The following BCAS3 variants were observed in gnomAD, a reference collection of about 807,000 sequenced individuals.
The protein encoded by BCAS3 is BCAS4/BCAS3 fusion.
Under a neutral mutation model 116.1 loss-of-function variants are expected in BCAS3, and 53 were observed. The observed-to-expected ratio is 0.46, with a 90% CI of 0.37 to 0.57. The LOEUF is 0.57. BCAS3 is among the 20% of genes least tolerant of loss of function. The pLI, the probability that BCAS3 is intolerant of heterozygous loss-of-function variation, is 0.00. For synonymous variants in BCAS3, 391 were observed against 408.2 expected (o/e 0.96, Z 0.51); for missense variants, 917 against 1,165.4 (o/e 0.79, Z 3.10).
chr17:61,270,837 A>G (rs2050176164), intron 22 of BCAS3, among the ~76,000 whole-genome samples: 2 of 151,672 alleles, frequency 1.3e-5, no homozygotes. Context: ...CTGCCTCCCA[A>G]GTAGCTGGGA....
At chr17:61,221,094 G>A (rs113185398) in intron 22 of BCAS3, among the ~76,000 whole-genome samples, 53 of 152,272 alleles carry the variant, frequency 3.5e-4, no homozygotes, top group African/African-American at 1.2e-3. Context: ...GTGAGACTCC[G>A]TCTCAAAAAC....
rs187098889 is a variant in BCAS3, at chr17:61,186,931, C to T, written c.2425+102367C>T. Among the ~76,000 whole-genome samples, 332 of 152,212 alleles carry T rather than the reference C, an allele frequency of 2.2e-3. No homozygotes were observed. Among genetic ancestry groups the T allele is most frequent in the Admixed American group, 5.9e-3 (90 of 15,284 alleles). ...TTCACCGTGTTAGCCAGGATGGTCT[C>T]GATCTCCTGACCTCGTGATCCACCC... On this transcript the variant is annotated intron_variant, in intron 22 of 23. Coordinates refer to ENST00000407086, the MANE Select transcript of BCAS3 (RefSeq NM_017679.5). The surrounding 1 kb of genome is among the most constrained non-coding windows in gnomAD (Gnocchi z 4.9).
intron 20 of BCAS3, among the ~76,000 whole-genome samples, chr17:61,076,244 T>G (rs958339231): frequency 1.3e-5 from 2 of 152,242 alleles, no homozygotes; most frequent in African/African-American, 4.8e-5. Flanking sequence ...TATCTCAGGT[T>G]ACCAATCTGA....
chr17:61,138,919 G>A (rs1272905539), intron 22 of BCAS3, among the ~76,000 whole-genome samples: 1 of 151,940 alleles, frequency 6.6e-6, no homozygotes, highest in Non-Finnish European at 1.5e-5. Context: ...AAGTTGATAG[G>A]TTTTCATCAG....
At chr17:60,893,861 G>T (rs2145022157) in intron 10 of BCAS3, among the ~76,000 whole-genome samples, 1 of 151,980 alleles carries the variant, frequency 6.6e-6, no homozygotes, top group Admixed American at 6.5e-5. Flanking sequence ...CACCCACCTT[G>T]GCCTCCCAAA....
intron 22 of BCAS3, among the ~76,000 whole-genome samples, chr17:61,267,134 C>T (rs12949182): frequency 0.97 from 147,200 of 152,194 alleles, 71,380 homozygotes; most frequent in East Asian, 1. Flanking sequence ...CTCGGCTCAC[C>T]GCAAGCTCCG....
chr17:61,082,336 G>A lies in BCAS3; in HGVS notation c.2328-2131G>A, dbSNP rs142982333. On this transcript the variant is annotated intron_variant, in intron 21 of 23. Transcript: ENST00000407086. This position sits in a 1 kb window ranked among gnomAD's most constrained non-coding sequence, Gnocchi z 5.1. The stretch of plus-strand genomic sequence containing the variant: ...GCATCCATCCCACTAATTTCAGAAC[G>A]TTTCCATCATCCCAACCAGTTTTTC... Among the ~76,000 whole-genome samples the A allele has an allele frequency of 5.3e-4, 81 of 152,182 alleles. No individual in the cohort carries two copies. The East Asian group carries it at 0.015, about 28-fold the overall frequency.
chr17:61,269,209 G>C (rs2050024280), intron 22 of BCAS3, among the ~76,000 whole-genome samples: 1 of 150,956 alleles, frequency 6.6e-6, no homozygotes, highest in African/African-American at 2.4e-5. Context: ...CAGCCTCCTG[G>C]GTTCAAGCAA....
intron 15 of BCAS3, among the ~76,000 whole-genome samples, chr17:60,999,546 CAA>C (rs1021249439): frequency 3.8e-4 from 24 of 62,892 alleles, no homozygotes; most frequent in Non-Finnish European, 4.3e-4. Flanking sequence ...GACTGTGTCT[CAA>C]AAAAAAAAAA....
At chr17:60,976,034 T>TTTTTTC (rs2062335194) in intron 14 of BCAS3, among the ~76,000 whole-genome samples, 3 of 128,948 alleles carry the variant, frequency 2.3e-5, no homozygotes, top group Admixed American at 1.6e-4. Flanking sequence ...TTTTTTTTTT[T>TTTTTTC]TTTTTTCTTT....
chr17:61,322,844 G>GAGAGAGAC (rs2055396736), intron 22 of BCAS3, among the ~76,000 whole-genome samples: 1 of 145,252 alleles, frequency 6.9e-6, no homozygotes, highest in African/African-American at 2.6e-5. Flanking sequence ...GAGAGAGAGA[G>GAGAGAGAC]AGAGAGAGAG....
intron 4 of BCAS3, among the ~76,000 whole-genome samples, chr17:60,702,103 A>C (rs1307342770): frequency 6.6e-6 from 1 of 152,204 alleles, no homozygotes; most frequent in African/African-American, 2.4e-5. Context: ...CACACTTAAC[A>C]GACAGTACAT....
At chr17:60,688,904 A>G (rs771462860) in intron 3 of BCAS3, 1 of 152,018 alleles carries the variant, frequency 6.6e-6, no homozygotes. Flanking sequence ...ACTTCATGCC[A>G]TTAATGCTTG....
At chr17:60,939,714 C>G (rs768475683) in intron 13 of BCAS3, among the ~76,000 whole-genome samples, 1 of 152,134 alleles carries the variant, frequency 6.6e-6, no homozygotes, top group Non-Finnish European at 1.5e-5. Context: ...TTTTTGAATG[C>G]TCTTTCTCTT....
chr17:61,333,812 G>T lies in BCAS3; in HGVS notation c.2426-34515G>T, dbSNP rs2056490129. Among the ~76,000 whole-genome samples, 1 of 151,744 alleles carries T rather than the reference G, an allele frequency of 6.6e-6. No individual in the cohort carries two copies. Among genetic ancestry groups the T allele is most frequent in the African/African-American group, 2.4e-5 (1 of 41,296 alleles). ...ATTTTTATATTTTCAGTAAAATGGG[G>T]TTTCACCATGTTGGCCAAGCCGGTC... On this transcript the variant is annotated intron_variant, in intron 22 of 23. Coordinates refer to ENST00000407086, the MANE Select transcript of BCAS3 (RefSeq NM_017679.5). This position sits in a 1 kb window ranked among gnomAD's most constrained non-coding sequence, Gnocchi z 4.8.
chr17:60,781,506 C>T (rs1418819688), intron 6 of BCAS3, among the ~76,000 whole-genome samples: 2 of 151,930 alleles, frequency 1.3e-5, no homozygotes, highest in African/African-American at 2.4e-5. Flanking sequence ...GGCTGAGGCA[C>T]GAGAATCTCT....
At chr17:60,913,544 C>T (rs772898097) in intron 12 of BCAS3, among the ~76,000 whole-genome samples, 7 of 152,010 alleles carry the variant, frequency 4.6e-5, no homozygotes, top group Non-Finnish European at 7.4e-5. Context: ...TTAGATTATG[C>T]TGGATTGTAT....
rs11296492 is a variant in BCAS3, at chr17:61,209,182, GAA to G, written c.2425+124632_2425+124633del. On this transcript the variant is annotated intron_variant, in intron 22 of 23. Coordinates refer to ENST00000407086, the MANE Select transcript of BCAS3 (RefSeq NM_017679.5). ...AGGCCACCCCGAAACAACAGCTAGTGAAAAAAAAAAAAAAATCTTGTTCTGAT... is the reference window on the plus strand; with the variant it reads ...AGGCCACCCCGAAACAACAGCTAGTGAAAAAAAAAAAAATCTTGTTCTGAT... 2.5e-3 allele frequency among the ~76,000 whole-genome samples: 353 copies of G among 140,778 alleles called. 1 individual carries two copies. Among genetic ancestry groups the G allele is most frequent in the African/African-American group, 4.4e-3 (167 of 37,764 alleles). The allele number at this position is 140,778 out of a possible 152,430, so 92.4% of individuals were successfully genotyped here. A position where few individuals can be genotyped will look rare whatever the true frequency, so the allele number is the denominator to read the frequency against.
chr17:61,082,585 GACT>G lies in BCAS3; in HGVS notation c.2328-1880_2328-1878del, dbSNP rs1160989287. 2.5e-4 allele frequency among the ~76,000 whole-genome samples: 38 copies of G among 152,178 alleles called. No individual in the cohort carries two copies. Among genetic ancestry groups the G allele is most frequent in the Admixed American group, 2.5e-3 (38 of 15,280 alleles). Reference sequence around the variant, plus strand: ...ATTAGCCCACATAGGAAGTTGTTTAGACTAGAAGGGGGCATAATTTTGAATGGA... The same window carrying G: ...ATTAGCCCACATAGGAAGTTGTTTAGAGAAGGGGGCATAATTTTGAATGGA... On this transcript the variant is annotated intron_variant, in intron 21 of 23. Coordinates refer to ENST00000407086, the MANE Select transcript of BCAS3 (RefSeq NM_017679.5). This position sits in a 1 kb window ranked among gnomAD's most constrained non-coding sequence, Gnocchi z 5.1.
Sources: gnomAD v4.1 joint callset for allele counts (sites outside exome capture counted in the v4.1 genomes callset) on GRCh38, gnomAD v4.1.1 for gene constraint, Gnocchi (gnomAD v3.1) non-coding constraint, MANE v1.5 for transcripts, NCBI Gene and HGNC (gene_info 2026-07-23, HGNC 2026-07-21) for gene names.